MYH11: variants seen among roughly 807,000 people sequenced by gnomAD.
MYH11 encodes myosin heavy chain 11.
In MYH11, 80 loss-of-function variants were observed where a neutral mutation model predicts 246.6. The ratio of observed to expected loss-of-function variants is 0.32; its 90% CI spans 0.27 to 0.39. The LOEUF (loss-of-function observed/expected upper bound fraction) is 0.39, where lower values mean the gene tolerates loss of function less well. Ranked by LOEUF, MYH11 falls within the 10% of genes least tolerant of loss-of-function variation. MYH11 has a pLI of 1.00. For synonymous variants in MYH11, 1,071 were observed against 1,015.5 expected (o/e 1.05, Z -1.04); for missense variants, 2,158 against 2,546.8 (o/e 0.85, Z 3.29).
Position 15,703,216 on chromosome 16 carries a change from C to T in MYH11, c.*775G>A, listed in dbSNP as rs1028146326. 39 of 209,342 alleles carry T rather than the reference C, an allele frequency of 1.9e-4. No individual in the cohort carries two copies. Among genetic ancestry groups the T allele is most frequent in the South Asian group, 1.9e-4 (1 of 5,326 alleles). The allele number at this position is 209,342 out of a possible 1,614,324, so 13.0% of individuals were successfully genotyped here. On this transcript the variant is annotated 3_prime_UTR_variant, in exon 41 of 41. Transcript: ENST00000300036. ...ACAGTGCAGCATTCCTGCTCCCCTC[C>T]GTGGGAGCAGCGTCTCCTTTTCAAT...
intron 1 of MYH11, among the ~76,000 whole-genome samples, chr16:15,839,112 A>G (rs2043984617): frequency 6.6e-6 from 1 of 151,374 alleles, no homozygotes; most frequent in South Asian, 2.1e-4. Flanking sequence ...TGGGAGGCTG[A>G]GGTGGGAGAA....
At chr16:15,727,310 C>T (rs1026214969) in intron 27 of MYH11, among the ~76,000 whole-genome samples, 1 of 152,058 alleles carries the variant, frequency 6.6e-6, no homozygotes, top group Non-Finnish European at 1.5e-5. Flanking sequence ...AAACTATTCT[C>T]CTGCCTCAGC....
Position 15,704,031 on chromosome 16 carries a change from G to A in MYH11, c.5879C>T (p.Thr1960Ile), listed in dbSNP as rs1448853511. 1 of 1,614,118 alleles carries A rather than the reference G, an allele frequency of 6.2e-7. No individual in the cohort carries two copies. The highest frequency in any genetic ancestry group is 1.1e-5 in the South Asian group (1 of 91,086). The change falls in exon 41 of 41, where the codon ACT becomes ATT. Residue 1960 changes from threonine to isoleucine, a missense_variant. Around this residue, in one of 11 missense-constraint regions of MYH11, gnomAD observed 1,013 missense variants for 993.5 expected, o/e 1.02. Transcript: ENST00000300036. The part of the protein sequence containing the change: ...NADGSEEETD[T>I]RDADFNGTKA... ...GGTTCCATTGAAGTCTGCGTCTCGA[G>A]TGTCCGTTTCCTCCTCAGAACCATC...
At chr16:15,717,086 CCTG>C (rs2040191653) in intron 38 of MYH11, 51 bp downstream of exon 38, 1 of 1,580,760 alleles carries the variant, frequency 6.3e-7, no homozygotes, top group Non-Finnish European at 8.7e-7. Flanking sequence ...CACTATGACT[CCTG>C]CTGTCCATCA....
intron 8 of MYH11, among the ~76,000 whole-genome samples, chr16:15,775,409 C>T (rs1273206660): frequency 1.6e-5 from 1 of 60,750 alleles, no homozygotes; most frequent in Admixed American, 1.8e-4. Context: ...ACTGCCTGTG[C>T]TCATTGGTTT....
intron 3 of MYH11, among the ~76,000 whole-genome samples, chr16:15,816,320 A>G (rs2043262032): frequency 6.6e-6 from 1 of 152,232 alleles, no homozygotes; most frequent in Non-Finnish European, 1.5e-5. Flanking sequence ...TATGATATCC[A>G]ATACATGTCT....
chr16:15,726,729 C>G (rs2040780770), intron 28 of MYH11, 119 bp downstream of exon 28: 1 of 1,211,694 alleles, frequency 8.3e-7, no homozygotes, highest in Admixed American at 1.9e-5. Flanking sequence ...AGGAACGCAA[C>G]TAGAGGAAAG....
At chr16:15,709,633 G>T (rs2039667629) in intron 40 of MYH11, among the ~76,000 whole-genome samples, 1 of 152,124 alleles carries the variant, frequency 6.6e-6, no homozygotes, top group Non-Finnish European at 1.5e-5. Context: ...TAAATGGAAA[G>T]GAAAATGTCT....
In MYH11 at chr16:15,775,346, T is replaced by C. The variant is rs149869077; in HGVS notation, c.889+732A>G. ...TGATGCATCTGCACTCACTGATTTA[T>C]GTGTTGCCTATGTTCATTGGTTTAT... is the stretch of plus-strand genomic sequence containing the variant. On this transcript the variant is annotated intron_variant, in intron 8 of 40. Transcript: ENST00000300036. 3.9e-5 allele frequency among the ~76,000 whole-genome samples: 6 copies of C among 152,352 alleles called. No homozygotes were observed. In the East Asian group the frequency reaches 1.2e-3, roughly 29 times the overall value.
chr16:15,769,516 C>A (rs2042052737), intron 9 of MYH11, among the ~76,000 whole-genome samples: 1 of 151,636 alleles, frequency 6.6e-6, no homozygotes, highest in South Asian at 2.1e-4. Context: ...GCAGCTTCGA[C>A]CTCCTGGGCT....
At chr16:15,728,496 G>A (rs1410325975) in intron 27 of MYH11, among the ~76,000 whole-genome samples, 10 of 152,198 alleles carry the variant, frequency 6.6e-5, no homozygotes, top group Non-Finnish European at 7.4e-5. Context: ...CACCGCCCCC[G>A]TCCTTCACAG....
intron 9 of MYH11, 56 bp from the exon 10 acceptor site, chr16:15,763,947 G>A: frequency 7.0e-7 from 1 of 1,432,236 alleles, no homozygotes. Flanking sequence ...AAGGTACCCT[G>A]GAGTTTTGGA....
At chr16:15,818,077 ACTGT>A (rs1294414973) in intron 3 of MYH11, among the ~76,000 whole-genome samples, 6 of 152,246 alleles carry the variant, frequency 3.9e-5, no homozygotes, top group Admixed American at 6.5e-5. Context: ...TCAGGAACTT[ACTGT>A]CTATGTGACA....
chr16:15,708,066 A>AG (rs2039561620), intron 40 of MYH11, among the ~76,000 whole-genome samples: 1 of 151,616 alleles, frequency 6.6e-6, no homozygotes, highest in African/African-American at 2.4e-5. Flanking sequence ...TCCACTCCCC[A>AG]GTCCCTGAAC....
At chr16:15,706,685 A>G (rs2039474580) in intron 40 of MYH11, among the ~76,000 whole-genome samples, 1 of 151,928 alleles carries the variant, frequency 6.6e-6, no homozygotes, top group Non-Finnish European at 1.5e-5. Context: ...CCAGCCTGGG[A>G]AACAGCAAGA....
In MYH11 at chr16:15,741,440, GGGCT is replaced by G. The variant is rs1292350758; in HGVS notation, c.2859+19_2859+22del. On this transcript the variant is annotated intron_variant, in intron 22 of 40. Coordinates refer to ENST00000300036, the MANE Select transcript of MYH11 (RefSeq NM_002474.3). The stretch of plus-strand genomic sequence containing the variant: ...GGTCAAGTGATTTGCTACCCACCAC[GGGCT>G]GCCCCTGTGACACCTTACCAGCATC... 1.9e-6 allele frequency: 3 copies of G among 1,604,114 alleles called. No homozygotes were observed. Among genetic ancestry groups the G allele is most frequent in the African/African-American group, 2.7e-5 (2 of 74,876 alleles).
intron 27 of MYH11, 49 bp downstream of exon 27, chr16:15,732,515 A>C: frequency 6.2e-7 from 1 of 1,613,916 alleles, no homozygotes; most frequent in Non-Finnish European, 8.5e-7. Context: ...GAGGCTGCTG[A>C]TGTCACTCTT....
intron 3 of MYH11, among the ~76,000 whole-genome samples, chr16:15,809,310 T>C (rs184140986): frequency 1.3e-5 from 2 of 152,174 alleles, no homozygotes; most frequent in Admixed American, 1.3e-4. Flanking sequence ...GGCGGGAGGA[T>C]TGCTTGAGGC....
At chr16:15,779,310 T>A (rs575410004) in intron 6 of MYH11, 3 of 223,158 alleles carry the variant, frequency 1.3e-5, no homozygotes, top group African/African-American at 5.3e-5. Context: ...GGCTAATTTT[T>A]AAATTTTTTT....
Sources: gnomAD v4.1 joint callset for allele counts (sites outside exome capture counted in the v4.1 genomes callset) on GRCh38, gnomAD v4.1.1 for gene constraint, gnomAD v4.1.1 regional missense constraint, MANE v1.5 for transcripts, NCBI Gene and HGNC (gene_info 2026-07-23, HGNC 2026-07-21) for gene names.